DENND3: variants seen among roughly 807,000 people sequenced by gnomAD.
The protein encoded by DENND3 is DENN domain containing 3.
DENND3 carries 88 observed loss-of-function variants against 135.1 expected under a neutral mutation model. The observed-to-expected ratio is 0.65, with a 90% confidence interval of 0.55 to 0.78. The LOEUF is 0.78. DENND3 is among the 30% of genes least tolerant of loss of function. The probability of loss-of-function intolerance (pLI) is 0.00; values close to 1 mark genes in which losing one functional copy is unlikely to be tolerated. For synonymous variants in DENND3, 693 were observed against 712.3 expected (o/e 0.97, Z 0.43); for missense variants, 1,392 against 1,688.4 (o/e 0.82, Z 3.08).
At chr8:141,129,221 C>T (rs1815612521) in intron 1 of DENND3, among the ~76,000 whole-genome samples, 1 of 152,242 alleles carries the variant, frequency 6.6e-6, no homozygotes, top group African/African-American at 2.4e-5. Context: ...CGGAGCCTCA[C>T]GGTCTAGCGG....
chr8:141,158,017 C>T, intron 8 of DENND3: 2 of 1,147,434 alleles, frequency 1.7e-6, no homozygotes, highest in Non-Finnish European at 2.2e-6. Context: ...GCCTGGGCCT[C>T]CCAGAGTGCT....
intron 1 of DENND3, among the ~76,000 whole-genome samples, chr8:141,131,698 C>G (rs573523174): frequency 6.6e-6 from 1 of 152,354 alleles, no homozygotes; most frequent in East Asian, 1.9e-4. Context: ...TGTACTCTAA[C>G]TTAGAAATTA....
intron 18 of DENND3, among the ~76,000 whole-genome samples, chr8:141,187,471 C>T (rs536158072): frequency 3.9e-5 from 6 of 152,264 alleles, no homozygotes; most frequent in South Asian, 2.1e-4. Context: ...GCAGTCCTCC[C>T]GCCTCGGCCC....
chr8:141,151,768 G>C lies in DENND3; in HGVS notation c.1005G>C (p.Leu335=). The change falls in exon 7 of 23, where the codon CTG becomes CTC. Residue 335 remains leucine, a synonymous_variant. Transcript: ENST00000519811. The part of the protein sequence containing the change: ...PFVPILSDQM[L]DFVMAPTSFL... ...TGCCCATCCTGTCGGACCAGATGCT[G>C]GATTTCGTCATGGCCCCCACGTCCT... 3 of 1,614,216 alleles carry C rather than the reference G, an allele frequency of 1.9e-6. No homozygotes were observed. Among genetic ancestry groups the C allele is most frequent in the Non-Finnish European group, 2.5e-6 (3 of 1,180,048 alleles).
chr8:141,175,474 G>A lies in DENND3; in HGVS notation c.2535+15G>A, dbSNP rs1300344715. 6.2e-7 allele frequency: 1 copy of A among 1,613,986 alleles called. No individual in the cohort carries two copies. The highest frequency in any genetic ancestry group is 2.2e-5 in the East Asian group (1 of 44,892). ...GAAATATAGAGGTAAGGACAGCACA[G>A]GCAGACGGCGCCAGACCCCACCTGT... On this transcript the variant is annotated intron_variant, in intron 14 of 22. Coordinates refer to ENST00000519811, the MANE Select transcript of DENND3 (RefSeq NM_001352890.3). This position sits in a 1 kb window ranked among gnomAD's most constrained non-coding sequence, Gnocchi z 5.4.
At chr8:141,192,726 C>T (rs1383868537) in intron 22 of DENND3, 63 bp downstream of exon 22, 8 of 1,608,874 alleles carry the variant, frequency 5.0e-6, no homozygotes, top group Non-Finnish European at 6.8e-6. Flanking sequence ...TGGCCGCATC[C>T]CCATGCTCCC....
intron 19 of DENND3, among the ~76,000 whole-genome samples, chr8:141,189,948 G>A (rs554509085): frequency 7.7e-4 from 118 of 152,274 alleles, no homozygotes; most frequent in African/African-American, 2.7e-3. Context: ...TTCAGTTCAT[G>A]GTCATGTCAT....
chr8:141,132,452 G>C (rs1218758854), intron 1 of DENND3, among the ~76,000 whole-genome samples: 1 of 152,036 alleles, frequency 6.6e-6, no homozygotes, highest in Non-Finnish European at 1.5e-5. Flanking sequence ...CTGCCTCCCA[G>C]GTTCAAGCGA....
chr8:141,142,372 T>C (rs1204805436), intron 4 of DENND3: 2 of 456,992 alleles, frequency 4.4e-6, no homozygotes, highest in Admixed American at 2.3e-5. Context: ...GGCAAATCGC[T>C]GAATTGGTGC....
chr8:141,161,344 T>G (rs1820108719), intron 9 of DENND3, among the ~76,000 whole-genome samples: 1 of 152,216 alleles, frequency 6.6e-6, no homozygotes, highest in Non-Finnish European at 1.5e-5. Context: ...ACTCAAGATG[T>G]GCCTGTTAGC....
In DENND3 at chr8:141,180,745, A is replaced by G. The variant is rs1356793117; in HGVS notation, c.2837-2A>G. On this transcript the variant is annotated splice_acceptor_variant, in intron 16 of 22. Transcript: ENST00000519811. LOFTEE classifies it high-confidence loss of function. ...TAACACTCCAAGTGTCTTGTCTTTC[A>G]GTGCCCATGACGCTTCCGGAGACAA... is the stretch of plus-strand genomic sequence containing the variant. The G allele has an allele frequency of 6.2e-7, 1 of 1,611,802 alleles. No individual in the cohort carries two copies. The highest frequency in any genetic ancestry group is 1.1e-5 in the South Asian group (1 of 90,400).
At chr8:141,145,871 C>T (rs1235467969) in intron 5 of DENND3, among the ~76,000 whole-genome samples, 11 of 110,128 alleles carry the variant, frequency 1.0e-4, no homozygotes, top group East Asian at 2.7e-4. Flanking sequence ...TTTTTTGAGG[C>T]GGAGTCTTGC....
In DENND3 at chr8:141,132,057, A is replaced by G. The variant is rs573606733; in HGVS notation, c.102+3248A>G. Among the ~76,000 whole-genome samples the G allele has an allele frequency of 2.6e-4, 39 of 152,292 alleles. 1 individual carries two copies. The South Asian group carries it at 7.9e-3, about 31-fold the overall frequency. ...GTGAAGACTTGAGAACCACCCACAC[A>G]TCTCTCAGGAGGAGGCTGGGTCAAT... On this transcript the variant is annotated intron_variant, in intron 1 of 22. Transcript: ENST00000519811.
At chr8:141,183,845 C>T (rs560286856) in intron 17 of DENND3, among the ~76,000 whole-genome samples, 1 of 151,256 alleles carries the variant, frequency 6.6e-6, no homozygotes, top group East Asian at 1.9e-4. Flanking sequence ...GCTGTCCTGG[C>T]GGGGGTGCAG....
Position 141,137,961 on chromosome 8 carries a change from C to A in DENND3, c.386-61C>A. 6.6e-7 allele frequency: 1 copy of A among 1,523,696 alleles called. No individual in the cohort carries two copies. Among genetic ancestry groups the A allele is most frequent in the Non-Finnish European group, 8.9e-7 (1 of 1,123,056 alleles). The allele number at this position is 1,523,696 out of a possible 1,614,324, so 94.4% of individuals were successfully genotyped here. On this transcript the variant is annotated intron_variant, in intron 2 of 22. Transcript: ENST00000519811. This position sits in a 1 kb window ranked among gnomAD's most constrained non-coding sequence, Gnocchi z 4.1. ...CCTAAACACTGTGAAGAAATCAGCT[C>A]GTGGGTAACCCAGGCCACTTGGCAA...
intron 5 of DENND3, among the ~76,000 whole-genome samples, chr8:141,145,284 A>C (rs766912137): frequency 6.6e-6 from 1 of 152,226 alleles, no homozygotes; most frequent in Non-Finnish European, 1.5e-5. Flanking sequence ...CAAGTAAAGA[A>C]TCCCTGAAAC....
intron 20 of DENND3, among the ~76,000 whole-genome samples, chr8:141,190,891 A>AG (rs534954664): frequency 1.1e-3 from 162 of 152,322 alleles, no homozygotes; most frequent in Non-Finnish European, 1.8e-3. Flanking sequence ...GGATTTTGCC[A>AG]GGGGGGCGAT....
rs1048357245 is a variant in DENND3 at position 141,182,780 on chromosome 8, A to G, written c.2944+1926A>G. Among the ~76,000 whole-genome samples the G allele has an allele frequency of 5.3e-4, 81 of 152,252 alleles. No individual in the cohort carries two copies. The highest frequency in any genetic ancestry group is 1.7e-3 in the East Asian group (9 of 5,180). On this transcript the variant is annotated intron_variant, in intron 17 of 22. Transcript: ENST00000519811. The surrounding 1 kb of genome is among the most constrained non-coding windows in gnomAD (Gnocchi z 5.9). ...AAGGGGGAGTCTTGTTATTCCCATT[A>G]GCTTGGGGCTGGGTCTCCGACAGGT...
At chr8:141,164,693 G>A (rs911604988) in intron 10 of DENND3, among the ~76,000 whole-genome samples, 17 of 152,120 alleles carry the variant, frequency 1.1e-4, no homozygotes, top group Non-Finnish European at 1.9e-4. Context: ...TGCAGGCTCC[G>A]GGAGCTCCCT....
Sources: gnomAD v4.1 joint callset for allele counts (sites outside exome capture counted in the v4.1 genomes callset) on GRCh38, gnomAD v4.1.1 for gene constraint, Gnocchi (gnomAD v3.1) non-coding constraint, MANE v1.5 for transcripts, NCBI Gene and HGNC (gene_info 2026-07-23, HGNC 2026-07-21) for gene names.